The following LRP1B variants were observed in gnomAD, a reference collection of about 807,000 sequenced individuals.
LRP1B encodes the protein low-density lipoprotein receptor-related protein 1B.
LRP1B carries 217 observed loss-of-function variants against 556.6 expected under a neutral mutation model. The ratio of observed to expected loss-of-function variants is 0.39; its 90% CI spans 0.35 to 0.44. LRP1B has a LOEUF of 0.44. Ranked by LOEUF, LRP1B falls within the 20% of genes least tolerant of loss-of-function variation. The pLI is 1.00. For synonymous variants in LRP1B, 2,047 were observed against 1,865.8 expected (o/e 1.10, Z -2.50); for missense variants, 5,053 against 5,620.8 (o/e 0.90, Z 3.23).
intron 3 of LRP1B, among the ~76,000 whole-genome samples, chr2:141,429,691 T>C (rs1357667406): frequency 6.6e-6 from 1 of 152,214 alleles, no homozygotes; most frequent in South Asian, 2.1e-4. Context: ...TCCCATTGTG[T>C]CCATGTGTTC....
intron 2 of LRP1B, among the ~76,000 whole-genome samples, chr2:141,692,730 G>T (rs1465348922): frequency 6.6e-6 from 1 of 151,962 alleles, no homozygotes; most frequent in Non-Finnish European, 1.5e-5. Flanking sequence ...AGATGGTGCA[G>T]CCTACTACAC....
chr2:141,438,072 G>A (rs72848030), intron 3 of LRP1B, among the ~76,000 whole-genome samples: 11 of 152,186 alleles, frequency 7.2e-5, no homozygotes, highest in Non-Finnish European at 1.3e-4. Context: ...ATTTCCCACT[G>A]CATGTAGATA....
intron 32 of LRP1B, among the ~76,000 whole-genome samples, chr2:140,776,770 T>C (rs961657322): frequency 2.6e-4 from 40 of 152,190 alleles, no homozygotes; most frequent in Non-Finnish European, 2.9e-5. Flanking sequence ...ACCTTCTCTA[T>C]TTCTTCTAGT....
At chr2:140,321,085 T>TTTTAAAAGTA (rs1680091148) in intron 82 of LRP1B, among the ~76,000 whole-genome samples, 1 of 152,024 alleles carries the variant, frequency 6.6e-6, no homozygotes, top group African/African-American at 2.4e-5. Context: ...TTAAAATAAT[T>TTTTAAAAGTA]TTTAAAAGTA....
intron 23 of LRP1B, among the ~76,000 whole-genome samples, chr2:140,894,158 C>T (rs1693879309): frequency 6.6e-6 from 1 of 152,214 alleles, no homozygotes; most frequent in Non-Finnish European, 1.5e-5. Flanking sequence ...TCACTCACTA[C>T]TCCCCAAGGC....
intron 2 of LRP1B, among the ~76,000 whole-genome samples, chr2:141,515,795 C>A (rs1046512290): frequency 6.6e-6 from 1 of 152,024 alleles, no homozygotes; most frequent in Admixed American, 6.6e-5. Flanking sequence ...TTATGGCTAA[C>A]TAAACAAATT....
At chr2:140,761,971 A>C (rs1316676089) in intron 35 of LRP1B, among the ~76,000 whole-genome samples, 2 of 136,454 alleles carry the variant, frequency 1.5e-5, no homozygotes, top group Admixed American at 1.5e-4. Context: ...AATGATGATA[A>C]CTATGATGAT....
intron 1 of LRP1B, among the ~76,000 whole-genome samples, chr2:141,977,999 A>C (rs1250766910): frequency 6.6e-6 from 1 of 152,178 alleles, no homozygotes; most frequent in African/African-American, 2.4e-5. Context: ...GAAATACAGC[A>C]TACATTTTGC....
At chr2:141,850,110 A>T (rs1164592915) in intron 1 of LRP1B, among the ~76,000 whole-genome samples, 2 of 151,736 alleles carry the variant, frequency 1.3e-5, no homozygotes, top group Non-Finnish European at 2.9e-5. Context: ...GATTCATTCG[A>T]TTTTGTTAAA....
At chr2:141,073,357 T>A (rs1297803272) in intron 7 of LRP1B, among the ~76,000 whole-genome samples, 2 of 151,914 alleles carry the variant, frequency 1.3e-5, no homozygotes, top group African/African-American at 4.8e-5. Flanking sequence ...CTTTTTGGCA[T>A]TTTTTTTCTC....
chr2:141,318,611 T>G (rs1043285558), intron 3 of LRP1B, among the ~76,000 whole-genome samples: 7 of 152,142 alleles, frequency 4.6e-5, no homozygotes, highest in South Asian at 4.2e-4. Flanking sequence ...TAATAATGGC[T>G]TGGAAGAGGA....
At chr2:140,765,705 CTTTAA>C (rs1263123203) in intron 35 of LRP1B, among the ~76,000 whole-genome samples, 3 of 151,990 alleles carry the variant, frequency 2.0e-5, no homozygotes, top group Non-Finnish European at 2.9e-5. Flanking sequence ...TTGTAGAAAG[CTTTAA>C]TTTATTACAA....
intron 66 of LRP1B, among the ~76,000 whole-genome samples, chr2:140,432,405 A>C (rs941217813): frequency 6.6e-6 from 1 of 152,204 alleles, no homozygotes; most frequent in Non-Finnish European, 1.5e-5. Flanking sequence ...GAACATGAAC[A>C]TTTCCTCAAA....
chr2:140,804,978 A>T (rs994519489), intron 32 of LRP1B, among the ~76,000 whole-genome samples: 5 of 152,090 alleles, frequency 3.3e-5, no homozygotes, highest in African/African-American at 1.2e-4. Context: ...GTATGAACAA[A>T]TGTCCTTAAG....
intron 20 of LRP1B, among the ~76,000 whole-genome samples, chr2:140,946,726 T>G (rs528585240): frequency 8.7e-4 from 132 of 152,286 alleles, no homozygotes; most frequent in Non-Finnish European, 1.4e-3. Context: ...CACCCATACT[T>G]GTATGTTTAT....
chr2:140,796,843 A>C (rs1351665723), intron 32 of LRP1B, among the ~76,000 whole-genome samples: 2 of 152,134 alleles, frequency 1.3e-5, no homozygotes, highest in Non-Finnish European at 2.9e-5. Context: ...GTAACAATTA[A>C]TCGCTAGATC....
At chr2:140,259,973 T>C (rs1681861120) in intron 86 of LRP1B, among the ~76,000 whole-genome samples, 2 of 151,984 alleles carry the variant, frequency 1.3e-5, no homozygotes, top group South Asian at 2.1e-4. Flanking sequence ...TGAAGAACCA[T>C]TTTCCCCAAA....
chr2:140,456,928 C>T (rs1052555030), intron 61 of LRP1B, among the ~76,000 whole-genome samples: 2 of 151,976 alleles, frequency 1.3e-5, no homozygotes, highest in Non-Finnish European at 2.9e-5. Flanking sequence ...GAAATACAAA[C>T]ATAAAATAAA....
chr2:141,013,726 T>C lies in LRP1B; in HGVS notation c.2210A>G (p.Glu737Gly). 1.3e-6 allele frequency: 2 copies of C among 1,585,306 alleles called. No individual in the cohort carries two copies. Among genetic ancestry groups the C allele is most frequent in the South Asian group, 1.2e-5 (1 of 86,122 alleles). ...CGACAGTCCGAAAGGGTGGTTCAAC[T>C]CTCTCCCACTGTAAACAATCTGTAA... is the stretch of plus-strand genomic sequence containing the variant. Reference protein sequence around the residue: ...THRKIVYSGRELNHPFGLSHH... With the variant: ...THRKIVYSGRGLNHPFGLSHH... The change falls in exon 14 of 91, where the codon GAG becomes GGG. Residue 737 changes from glutamate (E) to glycine (G), a missense_variant. Physicochemically the swap from Glu to Gly is moderately conservative, Grantham distance 98. This residue lies in a region of LRP1B where 3,619 missense variants were observed against 3,931.9 expected (regional missense o/e 0.92). Transcript: ENST00000389484.
Sources: gnomAD v4.1 joint callset for allele counts (sites outside exome capture counted in the v4.1 genomes callset) on GRCh38, gnomAD v4.1.1 for gene constraint, gnomAD v4.1.1 regional missense constraint, MANE v1.5 for transcripts, NCBI Gene and HGNC (gene_info 2026-07-23, HGNC 2026-07-21) for gene names.